Variants in RHBG observed in about 807,000 individuals in gnomAD.
The protein encoded by RHBG is ammonium transporter Rh type B.
RHBG carries 39 observed loss-of-function variants against 40.1 expected under a neutral mutation model. The observed-to-expected ratio is 0.97, with a 90% CI of 0.75 to 1.27. RHBG has a LOEUF of 1.27. RHBG is among the 50% of genes most tolerant of loss of function. The probability of loss-of-function intolerance (pLI) is 0.00; values close to 1 mark genes in which losing one functional copy is unlikely to be tolerated. For synonymous variants in RHBG, 237 were observed against 252.5 expected (o/e 0.94, Z 0.58); for missense variants, 549 against 588.1 (o/e 0.93, Z 0.69).
chr1:156,375,038 G>A (rs950004593), intron 1 of RHBG, among the ~76,000 whole-genome samples: 3 of 151,570 alleles, frequency 2.0e-5, no homozygotes, highest in African/African-American at 7.3e-5. Flanking sequence ...GACATTTAGT[G>A]TCCCAACCCT....
chr1:156,375,394 A>G (rs1216145366), intron 1 of RHBG, among the ~76,000 whole-genome samples: 1 of 151,778 alleles, frequency 6.6e-6, no homozygotes, highest in Non-Finnish European at 1.5e-5. Context: ...ATTTCAGTAC[A>G]TATCCAGCCC....
At chr1:156,379,936 T>G (rs573096776) in intron 4 of RHBG, among the ~76,000 whole-genome samples, 25 of 152,154 alleles carry the variant, frequency 1.6e-4, no homozygotes, top group African/African-American at 6.0e-4. Flanking sequence ...TTTCCCAAAA[T>G]GCACAGGCCC....
chr1:156,384,380 G>A (rs529112116), intron 8 of RHBG, 147 bp from the exon 9 acceptor site: 6 of 770,778 alleles, frequency 7.8e-6, no homozygotes, highest in Non-Finnish European at 1.4e-5. Context: ...CATAGTAGAT[G>A]CTCAACAAAT....
intron 8 of RHBG, among the ~76,000 whole-genome samples, chr1:156,383,519 G>A (rs887254453): frequency 2.6e-5 from 4 of 151,872 alleles, no homozygotes; most frequent in African/African-American, 4.8e-5. Context: ...TAGGTGATCC[G>A]CCCGCCTCGG....
Position 156,381,454 on chromosome 1 carries a change from A to G in RHBG, c.781A>G (p.Ser261Gly). ...ALNTYYSLAA[S>G]TLGTFALSAL... is the part of the protein sequence containing the mutation. ...CAACACATACTACTCCCTGGCTGCC[A>G]GCACCCTTGGCACCTTTGCCTTGTC... is the stretch of plus-strand genomic sequence containing the variant. Residue 261 changes from serine (S) to glycine (G), a missense_variant, in exon 5 of 10, where the codon AGC becomes GGC. Physicochemically the swap from Ser to Gly is moderately conservative, Grantham distance 56. Transcript: ENST00000537040. 1 of 1,614,046 alleles carries G rather than the reference A, an allele frequency of 6.2e-7. No individual in the cohort carries two copies. The highest frequency in any genetic ancestry group is 2.2e-5 in the East Asian group (1 of 44,878).
Position 156,377,545 on chromosome 1 carries a change from G to C in RHBG, c.374+58G>C, listed in dbSNP as rs1310675574. 3 of 1,546,706 alleles carry C rather than the reference G, an allele frequency of 1.9e-6. No homozygotes were observed. The highest frequency in any genetic ancestry group is 1.8e-4 in the Middle Eastern group (1 of 5,472). On this transcript the variant is annotated intron_variant, in intron 2 of 9. Coordinates refer to ENST00000537040, the MANE Select transcript of RHBG (RefSeq NM_020407.5). This position sits in a 1 kb window ranked among gnomAD's most constrained non-coding sequence, Gnocchi z 4.6. ...GTTCACTCGGGAGGCCCCTGCCCAT[G>C]GGCCCCGGATCTAGCCCTGTCCTTC...
At chr1:156,379,470 C>T (rs1667466260) in intron 4 of RHBG, among the ~76,000 whole-genome samples, 1 of 152,152 alleles carries the variant, frequency 6.6e-6, no homozygotes, top group Non-Finnish European at 1.5e-5. Context: ...GATTGCTCAG[C>T]ACTGCTGGGT....
chr1:156,369,309 C>T lies in RHBG; in HGVS notation c.60C>T (p.Leu20=), dbSNP rs780099539. ...GACTGCAGCTTCCCCTGCTGTGCCT[C>T]TTCCTCCAGGGCGCCACTGCCGTCC... ...GRRLQLPLLC[L]FLQGATAVLF... Residue 20 remains leucine, a synonymous_variant, in exon 1 of 10, where the codon CTC becomes CTT. Coordinates refer to ENST00000537040, the MANE Select transcript of RHBG (RefSeq NM_020407.5). 2 of 1,614,232 alleles carry T rather than the reference C, an allele frequency of 1.2e-6. No homozygotes were observed. The highest frequency in any genetic ancestry group is 2.2e-5 in the East Asian group (1 of 44,888).
At position 156,377,291 on chromosome 1, in the gene RHBG, C is replaced by A. The variant is rs775356074; in HGVS notation, c.188-10C>A. 2.5e-6 allele frequency: 4 copies of A among 1,611,822 alleles called. No homozygotes were observed. The African/African-American group carries it at 5.3e-5, about 22-fold the overall frequency. On this transcript the variant is annotated splice_polypyrimidine_tract_variant and intron_variant, in intron 1 of 9. Coordinates refer to ENST00000537040, the MANE Select transcript of RHBG (RefSeq NM_020407.5). This position sits in a 1 kb window ranked among gnomAD's most constrained non-coding sequence, Gnocchi z 4.6. ...CCCCCAAGTGCCCCGCCTGTCCCTG[C>A]CCGCTGCAGGCTTCCAGGACGTGCA... is the stretch of plus-strand genomic sequence containing the variant.
At chr1:156,380,112 CTTTTT>C (rs67037881) in intron 4 of RHBG, among the ~76,000 whole-genome samples, 1 of 130,128 alleles carries the variant, frequency 7.7e-6, no homozygotes, top group African/African-American at 2.8e-5. Context: ...CTTTCTTTTT[CTTTTT>C]TTTTTTTTTT....
chr1:156,380,079 T>G (rs924490788), intron 4 of RHBG, among the ~76,000 whole-genome samples: 4 of 151,884 alleles, frequency 2.6e-5, no homozygotes, highest in Non-Finnish European at 5.9e-5. Context: ...TGACATGCAG[T>G]GGCCTTTGCC....
At chr1:156,376,905 CAAG>C (rs1264032194) in intron 1 of RHBG, among the ~76,000 whole-genome samples, 1 of 152,122 alleles carries the variant, frequency 6.6e-6, no homozygotes, top group Non-Finnish European at 1.5e-5. Flanking sequence ...GGGTAGATGT[CAAG>C]AAGGACTTTC....
chr1:156,377,179 T>C lies in RHBG; in HGVS notation c.188-122T>C. The stretch of plus-strand genomic sequence containing the variant: ...CCCCTGACATGCCTGGGGAGTTTTA[T>C]AGGCTCGGCTCAAGGCAGCCCTGGC... On this transcript the variant is annotated intron_variant, in intron 1 of 9. Transcript: ENST00000537040. The surrounding 1 kb of genome is among the most constrained non-coding windows in gnomAD (Gnocchi z 4.6). 8.8e-7 allele frequency: 1 copy of C among 1,131,136 alleles called. No homozygotes were observed. Among genetic ancestry groups the C allele is most frequent in the East Asian group, 2.4e-5 (1 of 42,050 alleles). 70.1% of individuals were successfully genotyped at this position (1,131,136 alleles called of 1,614,324 possible). A position where few individuals can be genotyped will look rare whatever the true frequency, so the allele number is the denominator to read the frequency against.
Position 156,382,186 on chromosome 1 carries a change from AAGCTTACGGAGATGGGTG to A in RHBG, c.1100_1112+5del. The A allele has an allele frequency of 6.2e-7, 1 of 1,614,064 alleles. No individual in the cohort carries two copies. The highest frequency in any genetic ancestry group is 2.2e-5 in the East Asian group (1 of 44,866). ...CTTGTGGCTGGACTTGCCACCCATG[AAGCTTACGGAGATGGGTG>A]AGTTTCCTCCCAACCCGTACTGCAG... On this transcript the variant is annotated splice_donor_variant and splice_donor_region_variant and coding_sequence_variant and intron_variant, in exon 7 of 10. Coordinates refer to ENST00000537040, the MANE Select transcript of RHBG (RefSeq NM_020407.5). LOFTEE classifies it high-confidence loss of function.
intron 7 of RHBG, 126 bp from the exon 8 acceptor site, chr1:156,382,622 C>G: frequency 8.4e-7 from 1 of 1,197,328 alleles, no homozygotes; most frequent in Non-Finnish European, 1.2e-6. Context: ...TGGCATGCAC[C>G]CTCGAGACCC....
intron 8 of RHBG, 177 bp from the exon 9 acceptor site, chr1:156,384,350 A>G (rs1667892712): frequency 7.1e-6 from 5 of 702,610 alleles, no homozygotes; most frequent in Non-Finnish European, 1.3e-5. Flanking sequence ...CTAGTCAAGC[A>G]CTTTGCACAG....
At chr1:156,380,990 C>T (rs1416975824) in intron 4 of RHBG, among the ~76,000 whole-genome samples, 1 of 152,060 alleles carries the variant, frequency 6.6e-6, no homozygotes, top group Non-Finnish European at 1.5e-5. Context: ...ACCTCTGCCT[C>T]CCAGTCTCAA....
At chr1:156,382,246 A>T (rs779466266) in intron 7 of RHBG, 45 bp downstream of exon 7, 1 of 1,613,046 alleles carries the variant, frequency 6.2e-7, no homozygotes, top group Admixed American at 1.7e-5. Context: ...TCCATCTGGA[A>T]TGACCTCTGT....
chr1:156,382,914 T>C, intron 8 of RHBG, 45 bp downstream of exon 8: 3 of 1,612,324 alleles, frequency 1.9e-6, no homozygotes, highest in Non-Finnish European at 1.7e-6. Flanking sequence ...TGGGATCCTA[T>C]AAGCCTGACA....
Sources: gnomAD v4.1 joint callset for allele counts (sites outside exome capture counted in the v4.1 genomes callset) on GRCh38, gnomAD v4.1.1 for gene constraint, Gnocchi (gnomAD v3.1) non-coding constraint, MANE v1.5 for transcripts, NCBI Gene and HGNC (gene_info 2026-07-23, HGNC 2026-07-21) for gene names.